TERT: variants seen among roughly 807,000 people sequenced by gnomAD.
The protein encoded by TERT is telomerase catalytic subunit.
TERT carries 42 observed loss-of-function variants against 104.0 expected under a neutral mutation model. That is an observed-to-expected ratio of 0.40 (90% CI 0.32 to 0.52). TERT has a LOEUF of 0.52. TERT is among the 20% of genes least tolerant of loss of function. TERT has a pLI of 0.43. For synonymous variants in TERT, 781 were observed against 725.6 expected (o/e 1.08, Z -1.23); for missense variants, 1,101 against 1,610.3 (o/e 0.68, Z 5.41).
In TERT at chr5:1,292,453, G is replaced by A. The variant is rs1273706824; in HGVS notation, c.1573+860C>T. On this transcript the variant is annotated intron_variant, in intron 2 of 15. Coordinates refer to ENST00000310581, the MANE Select transcript of TERT (RefSeq NM_198253.3). This position sits in a 1 kb window ranked among gnomAD's most constrained non-coding sequence, Gnocchi z 5.5. ...TCTTCATACCTAAAGATGGGACCAG[G>A]ATCTGTGCTGGAGAACAGTCTTATC... is the stretch of plus-strand genomic sequence containing the variant. 6.6e-6 allele frequency among the ~76,000 whole-genome samples: 1 copy of A among 152,144 alleles called. No individual in the cohort carries two copies. Among genetic ancestry groups the A allele is most frequent in the East Asian group, 1.9e-4 (1 of 5,186 alleles).
At position 1,255,316 on chromosome 5, in the gene TERT, C is replaced by T; in HGVS notation, c.3128G>A (p.Cys1043Tyr). 6.2e-7 allele frequency: 1 copy of T among 1,614,104 alleles called. No individual in the cohort carries two copies. Among genetic ancestry groups the T allele is most frequent in the Non-Finnish European group, 8.5e-7 (1 of 1,179,972 alleles). ...LRVISDTASL[C>Y]YSILKAKNAG... The stretch of plus-strand genomic sequence containing the variant: ...GTTCTTGGCTTTCAGGATGGAGTAG[C>T]AGAGGGAGGCCGTGTCAGAGATGAC... Residue 1043 changes from cysteine to tyrosine, a missense_variant, in exon 14 of 16, where the codon TGC (cysteine) becomes TAC (tyrosine). Around this residue, in one of 5 missense-constraint regions of TERT, gnomAD observed 463 missense variants for 797.5 expected, o/e 0.58. Transcript: ENST00000310581. The surrounding 1 kb of genome is among the most constrained non-coding windows in gnomAD (Gnocchi z 6.9).
chr5:1,291,494 A>G (rs1324970140), intron 2 of TERT, among the ~76,000 whole-genome samples: 2 of 61,806 alleles, frequency 3.2e-5, no homozygotes, highest in Non-Finnish European at 2.9e-5. Flanking sequence ...CACTCACCCT[A>G]CACCTGAGAG....
rs574076223 is a variant in TERT at position 1,293,056 on chromosome 5, T to A, written c.1573+257A>T. On this transcript the variant is annotated intron_variant, in intron 2 of 15. Transcript: ENST00000310581. ...CACTGCCGCGCCCAGCCTCCTCTGT[T>A]CACTGCTCTGGCCTCGGCGCCTGGA... Among the ~76,000 whole-genome samples, 3 of 152,354 alleles carry A rather than the reference T, an allele frequency of 2.0e-5. No individual in the cohort carries two copies. In the South Asian group the frequency reaches 6.2e-4, roughly 32 times the overall value.
At chr5:1,291,911 G>A (rs1444275832) in intron 2 of TERT, among the ~76,000 whole-genome samples, 2 of 152,224 alleles carry the variant, frequency 1.3e-5, no homozygotes, top group Non-Finnish European at 2.9e-5. Flanking sequence ...GCAAAACTGG[G>A]TTGCATGACG....
chr5:1,284,153 A>T (rs1267195137), intron 2 of TERT, among the ~76,000 whole-genome samples: 67 of 69,980 alleles, frequency 9.6e-4, no homozygotes, highest in Admixed American at 1.7e-3. Flanking sequence ...ACCACACCCC[A>T]GACCTGCACC....
chr5:1,266,344 C>T (rs574261040), intron 10 of TERT, 120 bp downstream of exon 10: 79 of 972,860 alleles, frequency 8.1e-5, no homozygotes, highest in South Asian at 2.6e-4. Context: ...GATCCAGCAC[C>T]GGCAGAGAGA....
chr5:1,255,404 C>A lies in TERT; in HGVS notation c.3040G>T (p.Ala1014Ser), dbSNP rs1747650909. The change falls in exon 14 of 16, where the codon GCA (alanine) becomes TCA (serine). Residue 1014 changes from alanine to serine, a missense_variant. Physicochemically the swap from Ala to Ser is moderately conservative, Grantham distance 99 (BLOSUM62 1). Coordinates refer to ENST00000310581, the MANE Select transcript of TERT (RefSeq NM_198253.3). This position sits in a 1 kb window ranked among gnomAD's most constrained non-coding sequence, Gnocchi z 6.9. ...TGAAATGGGAGCTGCAGCACACATGCGTGAAACCTGAGAGGATGGCGGACA... is the reference window on the plus strand; with the variant it reads ...TGAAATGGGAGCTGCAGCACACATGAGTGAAACCTGAGAGGATGGCGGACA... ...ILLLQAYRFH[A>S]CVLQLPFHQQ... The A allele has an allele frequency of 6.2e-7, 1 of 1,614,218 alleles. No homozygotes were observed. The highest frequency in any genetic ancestry group is 1.7e-5 in the Admixed American group (1 of 60,032).
intron 15 of TERT, 111 bp downstream of exon 15, chr5:1,254,257 G>C: frequency 1.4e-6 from 2 of 1,470,728 alleles, no homozygotes; most frequent in Non-Finnish European, 1.9e-6. Flanking sequence ...CCAGGGTCAG[G>C]CCCGGGGGCG....
chr5:1,271,488 C>G (rs1178991986), intron 7 of TERT, among the ~76,000 whole-genome samples: 2 of 152,196 alleles, frequency 1.3e-5, no homozygotes, highest in Non-Finnish European at 2.9e-5. Context: ...ATATGTGATC[C>G]AGGAGTTGCT....
rs950574819 is a variant in TERT at position 1,274,475 on chromosome 5, T to G, written c.2287-2195A>C. ...CAGGGACTGGTTTCGTGGAAGACGA[T>G]TTTTCCACAGGACAGCAGTGGGGAA... On this transcript the variant is annotated intron_variant, in intron 6 of 15. Transcript: ENST00000310581. The surrounding 1 kb of genome is among the most constrained non-coding windows in gnomAD (Gnocchi z 5.3). Among the ~76,000 whole-genome samples the G allele has an allele frequency of 6.6e-6, 1 of 152,178 alleles. No homozygotes were observed. The highest frequency in any genetic ancestry group is 2.4e-5 in the African/African-American group (1 of 41,434).
At chr5:1,289,777 G>C (rs536261026) in intron 2 of TERT, among the ~76,000 whole-genome samples, 18 of 105,012 alleles carry the variant, frequency 1.7e-4, no homozygotes, top group African/African-American at 8.3e-4. Context: ...CACCCTACAC[G>C]TGACAGGGAC....
intron 12 of TERT, 70 bp from the exon 13 acceptor site, chr5:1,258,729 T>G: frequency 7.8e-7 from 1 of 1,275,906 alleles, no homozygotes; most frequent in Admixed American, 2.0e-5. Context: ...ACTTTTTGCT[T>G]TATCATCCAT....
rs1364961973 is a variant in TERT at position 1,294,125 on chromosome 5, C to T, written c.761G>A (p.Gly254Glu). ...CGTCCTGCCCGGGTGGGCCCAGGAC[C>T]CCTGCCCAACGGGCGTCCGCTCCGG... is the stretch of plus-strand genomic sequence containing the variant. ...PEPERTPVGQ[G>E]SWAHPGRTRG... Residue 254 changes from glycine (G) to glutamate (E), a missense_variant, in exon 2 of 16, where the codon GGG (glycine) becomes GAG (glutamate). Coordinates refer to ENST00000310581, the MANE Select transcript of TERT (RefSeq NM_198253.3). 1.3e-6 allele frequency: 2 copies of T among 1,583,568 alleles called. No homozygotes were observed. The highest frequency in any genetic ancestry group is 2.3e-5 in the East Asian group (1 of 42,866).
In TERT at chr5:1,294,789, G is replaced by A. The variant is rs1159584110; in HGVS notation, c.201C>T (p.Ala67=). 1.3e-6 allele frequency: 2 copies of A among 1,528,592 alleles called. No homozygotes were observed. The highest frequency in any genetic ancestry group is 2.4e-5 in the South Asian group (2 of 83,332). 94.7% of individuals were successfully genotyped at this position (1,528,592 alleles called of 1,614,324 possible). ...GGCCCACCTGGCGGAAGGAGGGGGC[G>A]GCGGGGGGCGGCCGTGCGTCCCAGG... ...CVPWDARPPP[A]APSFRQVSCL... Residue 67 remains alanine (A), a synonymous_variant, in exon 1 of 16, where the codon GCC becomes GCT. Coordinates refer to ENST00000310581, the MANE Select transcript of TERT (RefSeq NM_198253.3).
At chr5:1,259,552 C>A (rs1425651978) in intron 12 of TERT, among the ~76,000 whole-genome samples, 2 of 118,042 alleles carry the variant, frequency 1.7e-5, no homozygotes. Context: ...CAGATGCCCA[C>A]AGGAGAGGGA....
chr5:1,293,000 A>G lies in TERT; in HGVS notation c.1573+313T>C, dbSNP rs2126682871. On this transcript the variant is annotated intron_variant, in intron 2 of 15. Transcript: ENST00000310581. The surrounding 1 kb of genome is among the most constrained non-coding windows in gnomAD (Gnocchi z 5.5). ...CTCGCCAGAGCGTCTGTGCTTCCAG[A>G]CACTTCTCCCCATTGCCGGCAACCC... is the stretch of plus-strand genomic sequence containing the variant. Among the ~76,000 whole-genome samples the G allele has an allele frequency of 6.6e-6, 1 of 152,226 alleles. No individual in the cohort carries two copies. The highest frequency in any genetic ancestry group is 2.4e-5 in the African/African-American group (1 of 41,522).
rs1328183585 is a variant in TERT at position 1,274,238 on chromosome 5, A to C, written c.2287-1958T>G. Among the ~76,000 whole-genome samples, 1 of 152,246 alleles carries C rather than the reference A, an allele frequency of 6.6e-6. No individual in the cohort carries two copies. The highest frequency in any genetic ancestry group is 1.5e-5 in the Non-Finnish European group (1 of 68,052). On this transcript the variant is annotated intron_variant, in intron 6 of 15. Transcript: ENST00000310581. The surrounding 1 kb of genome is among the most constrained non-coding windows in gnomAD (Gnocchi z 5.3). ...ATTCAACCCTGAGAACCAACCTGGA[A>C]GGCAGTAACAGGAAGGTACATGGGG...
chr5:1,254,479 C>T lies in TERT; in HGVS notation c.3184G>A (p.Ala1062Thr), dbSNP rs35719940. 31,441 of 1,612,636 alleles carry T rather than the reference C, an allele frequency of 0.019. 363 individuals carry two copies. The highest frequency in any genetic ancestry group is 0.024 in the Non-Finnish European group (28,644 of 1,179,840). ...AGMSLGAKGA[A>T]GPLPSEAVQW... ...ACGGCCTCGGAGGGCAGAGGGCCGG[C>T]GGCGCCCTTGGCCCCCAGCGACATC... Residue 1062 changes from alanine (A) to threonine (T), a missense_variant, in exon 15 of 16, where the codon GCC becomes ACC. Ala to Thr is a moderately conservative substitution (Grantham distance 58). Transcript: ENST00000310581.
intron 7 of TERT, among the ~76,000 whole-genome samples, chr5:1,271,897 A>G (rs1317596904): frequency 6.6e-6 from 1 of 152,222 alleles, no homozygotes; most frequent in Non-Finnish European, 1.5e-5. Context: ...CTCAAGATCA[A>G]AACTGGCAGA....
Sources: gnomAD v4.1 joint callset for allele counts (sites outside exome capture counted in the v4.1 genomes callset) on GRCh38, gnomAD v4.1.1 for gene constraint, gnomAD v4.1.1 regional missense constraint, Gnocchi (gnomAD v3.1) non-coding constraint, MANE v1.5 for transcripts, NCBI Gene and HGNC (gene_info 2026-07-23, HGNC 2026-07-21) for gene names.